TFDP2: variants seen among roughly 807,000 people sequenced by gnomAD.
The protein encoded by TFDP2 is transcription factor Dp-2, also known as transcription factor Dp-2 (E2F dimerization partner 2).
In TFDP2, 17 loss-of-function variants were observed where a neutral mutation model predicts 59.3. The observed-to-expected ratio is 0.29, with a 90% CI of 0.20 to 0.43. The LOEUF (loss-of-function observed/expected upper bound fraction) is 0.43, where lower values mean the gene tolerates loss of function less well. Ranked by LOEUF, TFDP2 falls within the 20% of genes least tolerant of loss-of-function variation. TFDP2 has a pLI of 1.00. For synonymous variants in TFDP2, 180 were observed against 194.7 expected (o/e 0.92, Z 0.63); for missense variants, 391 against 528.8 (o/e 0.74, Z 2.56).
chr3:141,963,494 C>G (rs1576471272), intron 10 of TFDP2, among the ~76,000 whole-genome samples: 1 of 152,318 alleles, frequency 6.6e-6, no homozygotes, highest in Non-Finnish European at 1.5e-5. Flanking sequence ...ACCCACAGTG[C>G]TGGGCTAACT....
intron 7 of TFDP2, among the ~76,000 whole-genome samples, chr3:141,975,494 A>G (rs1940493301): frequency 6.6e-6 from 1 of 152,058 alleles, no homozygotes; most frequent in South Asian, 2.1e-4. Context: ...GGAGTTCAAG[A>G]CCAGCCTGGC....
intron 3 of TFDP2, among the ~76,000 whole-genome samples, chr3:142,071,258 G>A (rs2060238568): frequency 1.3e-5 from 2 of 151,968 alleles, no homozygotes; most frequent in South Asian, 4.1e-4. Flanking sequence ...CTGGGTTCAA[G>A]CGATTCTCCT....
intron 6 of TFDP2, among the ~76,000 whole-genome samples, chr3:141,990,457 T>C (rs537051094): frequency 3.9e-4 from 59 of 152,186 alleles, no homozygotes; most frequent in African/African-American, 1.4e-3. Flanking sequence ...GTATTTTTAG[T>C]AGAGACAAGT....
chr3:141,995,158 AAAG>A lies in TFDP2; in HGVS notation c.187-20_187-18del. The stretch of plus-strand genomic sequence containing the variant: ...GCTTATAATCTGTAAAGTTAGGAAC[AAAG>A]AATATAATATTCTTAATTATTAAGA... On this transcript the variant is annotated intron_variant, in intron 4 of 12. Transcript: ENST00000489671. 1 of 1,556,846 alleles carries A rather than the reference AAAG, an allele frequency of 6.4e-7. No individual in the cohort carries two copies. The highest frequency in any genetic ancestry group is 1.9e-5 in the Admixed American group (1 of 52,288).
Position 141,963,886 on chromosome 3 carries a change from A to G in TFDP2, c.810T>C (p.Ser270=), listed in dbSNP as rs200295570. The G allele has an allele frequency of 4.6e-5, 75 of 1,613,760 alleles. No individual in the cohort carries two copies. Among genetic ancestry groups the G allele is most frequent in the Non-Finnish European group, 2.5e-6 (3 of 1,179,982 alleles). The change falls in exon 10 of 13, where the codon TCT becomes TCC. Residue 270 remains serine (S), a synonymous_variant. Coordinates refer to ENST00000489671, the MANE Select transcript of TFDP2 (RefSeq NM_001178139.2). ...QQNQGPPALN[S]TIQLPFIIIN... ...TGATTATGAATGGCAGCTGAATGGTAGAGTTCAGAGCCGGCGGGCCCTGGT... is the reference window on the plus strand; with the variant it reads ...TGATTATGAATGGCAGCTGAATGGTGGAGTTCAGAGCCGGCGGGCCCTGGT...
At chr3:142,052,137 T>G (rs1947661886) in intron 3 of TFDP2, among the ~76,000 whole-genome samples, 1 of 151,922 alleles carries the variant, frequency 6.6e-6, no homozygotes, top group Non-Finnish European at 1.5e-5. Context: ...AAAACAAAAC[T>G]TACCATAGAC....
In TFDP2 at chr3:142,003,273, A is replaced by G. The variant is rs147730915; in HGVS notation, c.186+2168T>C. On this transcript the variant is annotated intron_variant, in intron 4 of 12. Coordinates refer to ENST00000489671, the MANE Select transcript of TFDP2 (RefSeq NM_001178139.2). Reference sequence around the variant, plus strand: ...CTTGGCCTCCCAAAGTGCTGGGATTACAGACATGAGCCACCACACCCGGCA... The same window carrying G: ...CTTGGCCTCCCAAAGTGCTGGGATTGCAGACATGAGCCACCACACCCGGCA... 5.7e-3 allele frequency among the ~76,000 whole-genome samples: 869 copies of G among 152,082 alleles called. 19 individuals carry two copies. The highest frequency in any genetic ancestry group is 0.027 in the East Asian group (142 of 5,172).
At chr3:142,110,027 G>A in intron 1 of TFDP2, among the ~76,000 whole-genome samples, 1 of 152,010 alleles carries the variant, frequency 6.6e-6, no homozygotes, top group South Asian at 2.1e-4. Flanking sequence ...ACAGGTGCGG[G>A]CGCATGCCAC....
intron 11 of TFDP2, among the ~76,000 whole-genome samples, chr3:141,956,422 G>A (rs1210528365): frequency 6.6e-6 from 1 of 151,898 alleles, no homozygotes; most frequent in Admixed American, 6.6e-5. Flanking sequence ...CGTGGTGGTG[G>A]GCGCCTGTAA....
intron 5 of TFDP2, chr3:141,994,331 A>G (rs752833961): frequency 1.3e-5 from 2 of 152,202 alleles, no homozygotes; most frequent in Non-Finnish European, 2.9e-5. Flanking sequence ...CAGAATCACC[A>G]ATGCAGTATT....
intron 1 of TFDP2, among the ~76,000 whole-genome samples, chr3:142,126,663 T>C (rs905877404): frequency 6.6e-6 from 1 of 151,998 alleles, no homozygotes; most frequent in Non-Finnish European, 1.5e-5. Context: ...TACAGTAAAA[T>C]TGGCCGGGCA....
chr3:142,108,595 C>CT (rs914583324), intron 1 of TFDP2, among the ~76,000 whole-genome samples: 2 of 152,158 alleles, frequency 1.3e-5, no homozygotes, highest in African/African-American at 2.4e-5. Context: ...TCCTCATTCA[C>CT]TTTTTTCACA....
intron 3 of TFDP2, among the ~76,000 whole-genome samples, chr3:142,089,999 T>G (rs1425579702): frequency 1.3e-5 from 2 of 152,178 alleles, no homozygotes; most frequent in Non-Finnish European, 2.9e-5. Flanking sequence ...AATACTTTTC[T>G]ACATCTCACT....
chr3:141,961,493 T>C (rs540066044), intron 10 of TFDP2, among the ~76,000 whole-genome samples: 23 of 151,284 alleles, frequency 1.5e-4, no homozygotes, highest in South Asian at 4.2e-4. Context: ...TCCACCCACC[T>C]TGGCCTCCCA....
At chr3:142,005,651 T>A (rs1944147287) in intron 3 of TFDP2, 107 bp from the exon 4 acceptor site, 2 of 694,974 alleles carry the variant, frequency 2.9e-6, no homozygotes, top group African/African-American at 1.8e-5. Context: ...TAATTTATAA[T>A]TATCTTAGGA....
intron 3 of TFDP2, among the ~76,000 whole-genome samples, chr3:142,045,971 C>CATA (rs1422462415): frequency 6.6e-6 from 1 of 152,104 alleles, no homozygotes; most frequent in Non-Finnish European, 1.5e-5. Context: ...TGAGCAGTCA[C>CATA]ATAATACTAT....
At chr3:142,130,503 T>A (rs80334935) in intron 1 of TFDP2, among the ~76,000 whole-genome samples, 6,603 of 151,962 alleles carry the variant, frequency 0.043, 230 homozygotes, top group Non-Finnish European at 0.044. Context: ...TTTTTTTTTT[T>A]TATACTTTTA....
At chr3:141,982,763 A>T (rs1941625292) in intron 6 of TFDP2, among the ~76,000 whole-genome samples, 1 of 152,224 alleles carries the variant, frequency 6.6e-6, no homozygotes, top group South Asian at 2.1e-4. Context: ...TAAAACAGTG[A>T]TGGCTATACT....
In TFDP2 at chr3:141,974,112, T is replaced by C; in HGVS notation, c.599A>G (p.Glu200Gly). The change falls in exon 8 of 13, where the codon GAA becomes GGA. Residue 200 changes from glutamate to glycine, a missense_variant. Glu to Gly is a moderately conservative substitution (Grantham distance 98). Transcript: ENST00000489671. ...GCCAATCCACTTGATTTCTTTTTTT[T>C]CCTTTGAAATTATGTTCATTGCCAT... ...VLMAMNIISK[E>G]KKEIKWIGLP... is the part of the protein sequence containing the mutation. 6.2e-7 allele frequency: 1 copy of C among 1,613,478 alleles called. No homozygotes were observed. The highest frequency in any genetic ancestry group is 8.5e-7 in the Non-Finnish European group (1 of 1,179,736).
Sources: gnomAD v4.1 joint callset for allele counts (sites outside exome capture counted in the v4.1 genomes callset) on GRCh38, gnomAD v4.1.1 for gene constraint, MANE v1.5 for transcripts, NCBI Gene and HGNC (gene_info 2026-07-23, HGNC 2026-07-21) for gene names.